The following FRRS1 variants were observed in gnomAD, a reference collection of about 807,000 sequenced individuals.
The protein encoded by FRRS1 is ferric reductase 1.
Under a neutral mutation model 70.7 loss-of-function variants are expected in FRRS1, and 51 were observed. The ratio of observed to expected loss-of-function variants is 0.72; its 90% CI spans 0.58 to 0.91. FRRS1 has a LOEUF of 0.91. Among genes scored for constraint, FRRS1 ranks in the 40% least tolerant of loss-of-function variants. The probability of loss-of-function intolerance (pLI) is 0.00; values close to 1 mark genes in which losing one functional copy is unlikely to be tolerated. For missense variants in FRRS1, 672 were observed against 726.0 expected, an observed-to-expected ratio of 0.93 and a Z score of 0.86; for synonymous variants, 225 against 238.7, an observed-to-expected ratio of 0.94 and a Z score of 0.53.
intron 1 of FRRS1, among the ~76,000 whole-genome samples, chr1:99,753,218 T>TAA (rs766253857): frequency 2.5e-5 from 2 of 81,012 alleles, no homozygotes; most frequent in African/African-American, 1.9e-4. Flanking sequence ...TGTCTCGATT[T>TAA]AAAAAAAAAA....
chr1:99,761,324 G>A (rs1037144551), intron 1 of FRRS1, among the ~76,000 whole-genome samples: 1 of 151,790 alleles, frequency 6.6e-6, no homozygotes, highest in East Asian at 1.9e-4. Flanking sequence ...GACAGGGTCT[G>A]ACTATATTAC....
At chr1:99,739,079 T>C (rs978508885) in intron 6 of FRRS1, among the ~76,000 whole-genome samples, 2 of 152,142 alleles carry the variant, frequency 1.3e-5, no homozygotes, top group African/African-American at 2.4e-5. Flanking sequence ...AACAAGCCAC[T>C]GGGGAATTAA....
chr1:99,712,604 T>C, intron 12 of FRRS1, 89 bp from the exon 13 acceptor site: 1 of 660,568 alleles, frequency 1.5e-6, no homozygotes, highest in Non-Finnish European at 2.6e-6. Context: ...GATGTATTCT[T>C]AGTATTTTTC....
intron 1 of FRRS1, among the ~76,000 whole-genome samples, chr1:99,755,730 C>G (rs889909551): frequency 6.6e-6 from 1 of 152,082 alleles, no homozygotes; most frequent in South Asian, 2.1e-4. Flanking sequence ...ACATTCAAGG[C>G]CACCTTCAAT....
chr1:99,709,117 G>T lies in FRRS1; in HGVS notation c.1690C>A (p.His564Asn). ...GCCAACACTGCCTTTTTAAAAGCAT[G>T]ACCCTGAAAGAAAAATTGAGATATG... ...QSFTAVETEG[H>N]AFKKAVLAIY... is the part of the protein sequence containing the mutation. The change falls in exon 17 of 17, where the codon CAT (histidine) becomes AAT (asparagine). Residue 564 changes from histidine (H) to asparagine (N), a missense_variant. By Grantham distance (68) the His-to-Asn change is moderately conservative. Coordinates refer to ENST00000646001, the MANE Select transcript of FRRS1 (RefSeq NM_001361041.2). 1 of 1,610,414 alleles carries T rather than the reference G, an allele frequency of 6.2e-7. No individual in the cohort carries two copies. The highest frequency in any genetic ancestry group is 1.1e-5 in the South Asian group (1 of 90,378).
intron 4 of FRRS1, among the ~76,000 whole-genome samples, chr1:99,743,351 T>C (rs1170757072): frequency 1.3e-5 from 2 of 152,184 alleles, no homozygotes; most frequent in Non-Finnish European, 1.5e-5. Context: ...TTGAAGTGCA[T>C]AGGTCCACTT....
At chr1:99,710,617 C>T (rs919801507) in intron 15 of FRRS1, among the ~76,000 whole-genome samples, 189 bp downstream of exon 15, 1 of 152,176 alleles carries the variant, frequency 6.6e-6, no homozygotes, top group Non-Finnish European at 1.5e-5. Context: ...ATCTTATTCA[C>T]AACTTCTAAT....
intron 7 of FRRS1, among the ~76,000 whole-genome samples, chr1:99,731,553 T>C (rs753731641): frequency 1.3e-5 from 2 of 152,176 alleles, no homozygotes; most frequent in Non-Finnish European, 2.9e-5. Context: ...AAATTCAACC[T>C]AAAGCTTGTT....
chr1:99,755,066 C>T (rs1465781478), intron 1 of FRRS1, among the ~76,000 whole-genome samples: 1 of 151,752 alleles, frequency 6.6e-6, no homozygotes, highest in Admixed American at 6.6e-5. Context: ...AAGATTTCTC[C>T]ATGGAGAAAA....
Position 99,732,731 on chromosome 1 carries a change from TC to T in FRRS1, c.760-2984del, listed in dbSNP as rs1309533046. On this transcript the variant is annotated intron_variant, in intron 7 of 16. Transcript: ENST00000646001. ...CTAAGGCTGAAAATTCTAGAAGTAT[TC>T]CCAAAGTATTGAGCACCATGCTTTA... Among the ~76,000 whole-genome samples the T allele has an allele frequency of 8.5e-5, 13 of 152,232 alleles. No homozygotes were observed. The East Asian group carries it at 2.1e-3, about 25-fold the overall frequency.
intron 9 of FRRS1, among the ~76,000 whole-genome samples, chr1:99,726,337 G>A (rs1233141762): frequency 6.6e-6 from 1 of 152,150 alleles, no homozygotes; most frequent in Non-Finnish European, 1.5e-5. Flanking sequence ...AAATTACCCA[G>A]TCTCGGGTAG....
At chr1:99,730,684 G>C (rs1232682002) in intron 7 of FRRS1, among the ~76,000 whole-genome samples, 1 of 152,100 alleles carries the variant, frequency 6.6e-6, no homozygotes, top group East Asian at 1.9e-4. Flanking sequence ...TGGCTAACAT[G>C]GTGAAACCCC....
intron 1 of FRRS1, among the ~76,000 whole-genome samples, chr1:99,753,418 T>A (rs1217153813): frequency 6.6e-6 from 1 of 151,436 alleles, no homozygotes; most frequent in African/African-American, 2.4e-5. Flanking sequence ...AGACAAACAT[T>A]CGATTTGTAA....
chr1:99,719,442 TA>T, intron 10 of FRRS1, 91 bp downstream of exon 10: 1 of 682,492 alleles, frequency 1.5e-6, no homozygotes, highest in Non-Finnish European at 2.6e-6. Context: ...TTATAAAAAT[TA>T]GCTACATTAT....
At chr1:99,712,062 A>C in intron 14 of FRRS1, 43 bp downstream of exon 14, 2 of 1,261,368 alleles carry the variant, frequency 1.6e-6, no homozygotes, top group Non-Finnish European at 2.3e-6. Context: ...TAATATAAGC[A>C]GCTAGCAATT....
chr1:99,741,306 A>G (rs1197097580), intron 5 of FRRS1, among the ~76,000 whole-genome samples: 1 of 152,242 alleles, frequency 6.6e-6, no homozygotes, highest in Non-Finnish European at 1.5e-5. Flanking sequence ...GGGCATGTGT[A>G]GCAAGCAACA....
intron 9 of FRRS1, among the ~76,000 whole-genome samples, chr1:99,719,939 T>C (rs894887554): frequency 6.6e-6 from 1 of 152,108 alleles, no homozygotes; most frequent in African/African-American, 2.4e-5. Context: ...ACAAGTTAAA[T>C]AATAAATTAA....
At position 99,704,111 on chromosome 1, in the gene FRRS1, T is replaced by C; in HGVS notation, c.*4917A>G. On this transcript the variant is annotated 3_prime_UTR_variant, in exon 17 of 17. Coordinates refer to ENST00000646001, the MANE Select transcript of FRRS1 (RefSeq NM_001361041.2). ...TGGCAAAGACATCATCAAAAACATGTACGAAGCAAGCACCTTTTGCTGGCA... is the reference window on the plus strand; with the variant it reads ...TGGCAAAGACATCATCAAAAACATGCACGAAGCAAGCACCTTTTGCTGGCA... Among the ~76,000 whole-genome samples the C allele has an allele frequency of 6.6e-6, 1 of 152,210 alleles. No homozygotes were observed. Among genetic ancestry groups the C allele is most frequent in the East Asian group, 1.9e-4 (1 of 5,192 alleles).
intron 9 of FRRS1, among the ~76,000 whole-genome samples, chr1:99,720,917 C>T (rs1388187469): frequency 7.0e-6 from 1 of 142,924 alleles, no homozygotes; most frequent in Non-Finnish European, 1.5e-5. Flanking sequence ...TTTAAAGTAA[C>T]AAAATATAAT....
Sources: gnomAD v4.1 joint callset for allele counts (sites outside exome capture counted in the v4.1 genomes callset) on GRCh38, gnomAD v4.1.1 for gene constraint, MANE v1.5 for transcripts, NCBI Gene and HGNC (gene_info 2026-07-23, HGNC 2026-07-21) for gene names.